Variants in ACSL5 observed in about 807,000 individuals in gnomAD.
ACSL5 encodes the protein long-chain-fatty-acid--CoA ligase 5.
Under a neutral mutation model 84.9 loss-of-function variants are expected in ACSL5, and 50 were observed. The observed-to-expected ratio is 0.59, with a 90% CI of 0.47 to 0.75. The LOEUF is 0.75. ACSL5 is among the 30% of genes least tolerant of loss of function. The pLI, the probability that ACSL5 is intolerant of heterozygous loss-of-function variation, is 0.00. For missense variants in ACSL5, 775 were observed against 830.4 expected (o/e 0.93, Z 0.82); for synonymous variants, 280 against 300.7 (o/e 0.93, Z 0.71).
intron 12 of ACSL5, among the ~76,000 whole-genome samples, chr10:112,415,360 C>T (rs537661809): frequency 3.9e-5 from 6 of 152,210 alleles, no homozygotes; most frequent in Admixed American, 6.5e-5. Context: ...CCACCACGAC[C>T]GGCTAATTTT....
At chr10:112,416,273 C>T (rs1023418377) in intron 12 of ACSL5, among the ~76,000 whole-genome samples, 3 of 151,966 alleles carry the variant, frequency 2.0e-5, no homozygotes, top group African/African-American at 7.2e-5. Context: ...AGATTGAGAC[C>T]ATCCTGGCTA....
At chr10:112,390,939 G>T (rs1387026773) in intron 1 of ACSL5, among the ~76,000 whole-genome samples, 3 of 152,270 alleles carry the variant, frequency 2.0e-5, no homozygotes, top group Admixed American at 2.0e-4. Flanking sequence ...TGGGTTCAGG[G>T]TTTCGTATTT....
In ACSL5 at chr10:112,411,578, A is replaced by G; in HGVS notation, c.870+49A>G. 6 of 1,545,222 alleles carry G rather than the reference A, an allele frequency of 3.9e-6. No homozygotes were observed. In the African/African-American group the frequency reaches 4.1e-5, roughly 11 times the overall value. Reference sequence around the variant, plus strand: ...GCTCTCATTAAAATGTGAATCTGTCATAAGATTTTTATTTTTGAGGTTAGA... The same window carrying G: ...GCTCTCATTAAAATGTGAATCTGTCGTAAGATTTTTATTTTTGAGGTTAGA... On this transcript the variant is annotated intron_variant, in intron 10 of 20. Coordinates refer to ENST00000354655, the MANE Select transcript of ACSL5 (RefSeq NM_203379.2).
At chr10:112,409,730 A>AC in intron 7 of ACSL5, 45 bp downstream of exon 7, 2 of 1,584,542 alleles carry the variant, frequency 1.3e-6, no homozygotes, top group South Asian at 2.2e-5. Flanking sequence ...CTTGTCCAAC[A>AC]CCTTGGGCAA....
intron 1 of ACSL5, chr10:112,376,523 C>T (rs1216781115): frequency 1.3e-6 from 2 of 1,584,394 alleles, no homozygotes; most frequent in African/African-American, 1.4e-5. Flanking sequence ...AGGGGGCATC[C>T]TGACCCCCGA....
intron 12 of ACSL5, among the ~76,000 whole-genome samples, chr10:112,416,194 G>A (rs866101213): frequency 4.6e-5 from 7 of 152,256 alleles, no homozygotes; most frequent in South Asian, 2.1e-4. Flanking sequence ...TTCCTGGGCC[G>A]GGCGTGGTGG....
Position 112,428,338 on chromosome 10 carries a change from TTGTAAA to T in ACSL5, c.*987_*992del, listed in dbSNP as rs774700173. Reference sequence around the variant, plus strand: ...CACAGATAACACATGTTGTTTCTACTTGTAAATGTAAAGTCTTTAAAATAAACTATT... The same window carrying T: ...CACAGATAACACATGTTGTTTCTACTTGTAAAGTCTTTAAAATAAACTATT... On this transcript the variant is annotated 3_prime_UTR_variant, in exon 21 of 21. Coordinates refer to ENST00000354655, the MANE Select transcript of ACSL5 (RefSeq NM_203379.2). The T allele has an allele frequency of 7.5e-5, 30 of 397,880 alleles. No homozygotes were observed. Among genetic ancestry groups the T allele is most frequent in the East Asian group, 1.1e-4 (3 of 28,046 alleles). 24.6% of individuals were successfully genotyped at this position (397,880 alleles called of 1,614,324 possible).
At chr10:112,411,746 A>G (rs1844184103) in intron 10 of ACSL5, among the ~76,000 whole-genome samples, 156 bp from the exon 11 acceptor site, 1 of 77,032 alleles carries the variant, frequency 1.3e-5, no homozygotes. Flanking sequence ...AAATTTCTAC[A>G]CTATATGCAG....
At position 112,375,312 on chromosome 10, in the gene ACSL5, A is replaced by G. The variant is rs375330894; in HGVS notation, c.-30+1043A>G. ...GCCCCACTTCGTCTCCCAGCCCTTC[A>G]TCTTTCTTCCATGTCCAAAGGCGGC... On this transcript the variant is annotated intron_variant, in intron 1 of 20. Transcript: ENST00000354655. 3.3e-5 allele frequency: 5 copies of G among 152,108 alleles called. No individual in the cohort carries two copies. In the East Asian group the frequency reaches 9.7e-4, roughly 30 times the overall value. 9.4% of individuals were successfully genotyped at this position (152,108 alleles called of 1,614,324 possible).
At chr10:112,423,383 G>C (rs959407028) in intron 17 of ACSL5, among the ~76,000 whole-genome samples, 5 of 150,112 alleles carry the variant, frequency 3.3e-5, no homozygotes, top group African/African-American at 1.2e-4. Flanking sequence ...TTTTTATAGA[G>C]ATGGGGTCTC....
chr10:112,385,604 T>G (rs1454845546), intron 1 of ACSL5, among the ~76,000 whole-genome samples: 1 of 152,226 alleles, frequency 6.6e-6, no homozygotes, highest in Non-Finnish European at 1.5e-5. Context: ...TTTCCCTAAT[T>G]GTAAATAACT....
At chr10:112,414,110 C>G (rs1331034195) in intron 12 of ACSL5, among the ~76,000 whole-genome samples, 1 of 152,112 alleles carries the variant, frequency 6.6e-6, no homozygotes, top group Admixed American at 6.5e-5. Flanking sequence ...ATGTTGATGA[C>G]TAGCACTGCT....
At position 112,428,328 on chromosome 10, in the gene ACSL5, T is replaced by C. The variant is rs3184349; in HGVS notation, c.*970T>C. The stretch of plus-strand genomic sequence containing the variant: ...CTACCTTACCCACAGATAACACATG[T>C]TGTTTCTACTTGTAAATGTAAAGTC... On this transcript the variant is annotated 3_prime_UTR_variant, in exon 21 of 21. Transcript: ENST00000354655. The C allele has an allele frequency of 0.11, 42,790 of 397,260 alleles. 2,643 individuals are homozygous for C. The highest frequency in any genetic ancestry group is 0.19 in the East Asian group (5,176 of 27,972). The allele number at this position is 397,260 out of a possible 1,614,324, so 24.6% of individuals were successfully genotyped here.
At chr10:112,401,836 CTTT>C (rs1348883949) in intron 3 of ACSL5, among the ~76,000 whole-genome samples, 2,872 of 69,344 alleles carry the variant, frequency 0.041, 29 homozygotes, top group Middle Eastern at 0.092. Context: ...TTCTTTCTTT[CTTT>C]CTTCCTTCCT....
chr10:112,394,661 C>T (rs1843706770), intron 1 of ACSL5: 1 of 854,068 alleles, frequency 1.2e-6, no homozygotes, highest in Admixed American at 6.2e-5. Context: ...AACTTGTTTC[C>T]TTTGATCCTC....
chr10:112,426,545 T>C, intron 19 of ACSL5, 186 bp downstream of exon 19: 2 of 622,712 alleles, frequency 3.2e-6, no homozygotes, highest in Non-Finnish European at 5.6e-6. Flanking sequence ...AAATAATATG[T>C]TCATTGTGGG....
rs1377082604 is a variant in ACSL5, at chr10:112,427,418, A to C, written c.*60A>C. The C allele has an allele frequency of 4.8e-6, 7 of 1,464,036 alleles. No homozygotes were observed. The highest frequency in any genetic ancestry group is 6.4e-6 in the Non-Finnish European group (7 of 1,094,000). 90.7% of individuals were successfully genotyped at this position (1,464,036 alleles called of 1,614,324 possible). Reference sequence around the variant, plus strand: ...CACTGCTTGTGAGAAAATGGATTAAAAACTATTCTTACATTTGTTTTGCCT... The same window carrying C: ...CACTGCTTGTGAGAAAATGGATTAACAACTATTCTTACATTTGTTTTGCCT... On this transcript the variant is annotated 3_prime_UTR_variant, in exon 21 of 21. Transcript: ENST00000354655.
intron 14 of ACSL5, 145 bp downstream of exon 14, chr10:112,418,086 C>A (rs910477238): frequency 1.5e-6 from 1 of 661,352 alleles, no homozygotes; most frequent in Non-Finnish European, 2.5e-6. Context: ...TCCTTCTAAC[C>A]ATCTCTTCAG....
intron 1 of ACSL5, among the ~76,000 whole-genome samples, chr10:112,382,661 G>A (rs1270744420): frequency 2.0e-5 from 3 of 152,120 alleles, no homozygotes; most frequent in Non-Finnish European, 4.4e-5. Context: ...GAGCTGCATC[G>A]AACGCCCTAA....
Sources: gnomAD v4.1 joint callset for allele counts (sites outside exome capture counted in the v4.1 genomes callset) on GRCh38, gnomAD v4.1.1 for gene constraint, MANE v1.5 for transcripts, NCBI Gene and HGNC (gene_info 2026-07-23, HGNC 2026-07-21) for gene names.